PCDH15: variants seen among roughly 807,000 people sequenced by gnomAD.
The protein encoded by PCDH15 is protocadherin related 15, also known as protocadherin-15.
Under a neutral mutation model 178.5 loss-of-function variants are expected in PCDH15, and 129 were observed. The ratio of observed to expected loss-of-function variants is 0.72; its 90% CI spans 0.63 to 0.84. The LOEUF is 0.84. Among genes scored for constraint, PCDH15 ranks in the 40% least tolerant of loss-of-function variants. PCDH15 has a pLI of 0.00. For missense variants in PCDH15, 2,230 were observed against 2,099.9 expected (o/e 1.06, Z -1.21); for synonymous variants, 800 against 732.0 (o/e 1.09, Z -1.50).
intron 9 of PCDH15, among the ~76,000 whole-genome samples, chr10:54,219,867 C>T (rs2052591751): frequency 2.0e-5 from 3 of 151,402 alleles, no homozygotes; most frequent in Admixed American, 1.3e-4. Flanking sequence ...AGCATAAATT[C>T]AAATATTTGT....
intron 2 of PCDH15, among the ~76,000 whole-genome samples, chr10:54,577,175 T>C (rs2090562404): frequency 6.6e-6 from 1 of 151,712 alleles, no homozygotes; most frequent in Non-Finnish European, 1.5e-5. Flanking sequence ...CTCTGCCTAC[T>C]GGGTTCAAGT....
intron 2 of PCDH15, among the ~76,000 whole-genome samples, chr10:54,583,019 T>C (rs560794859): frequency 1.1e-3 from 114 of 107,824 alleles, no homozygotes; most frequent in South Asian, 1.1e-3. Flanking sequence ...ATCTTGCATA[T>C]ATACAATCTG....
At chr10:54,326,883 A>G (rs1211196733) in intron 7 of PCDH15, among the ~76,000 whole-genome samples, 2 of 152,160 alleles carry the variant, frequency 1.3e-5, no homozygotes, top group Admixed American at 1.3e-4. Flanking sequence ...AACTTTCTAT[A>G]TTTAACATTT....
chr10:54,370,899 T>C (rs560874963), intron 4 of PCDH15, among the ~76,000 whole-genome samples: 14 of 151,998 alleles, frequency 9.2e-5, no homozygotes, highest in Admixed American at 1.3e-4. Context: ...TTGACTTGAA[T>C]TTGTAGCTGT....
intron 2 of PCDH15, among the ~76,000 whole-genome samples, chr10:55,561,785 A>G (rs780501860): frequency 5.9e-5 from 9 of 151,858 alleles, no homozygotes; most frequent in Admixed American, 3.9e-4. Flanking sequence ...TTGAATTTGG[A>G]TTCATTTTGG....
intron 5 of PCDH15, among the ~76,000 whole-genome samples, chr10:54,350,865 A>C (rs1588973497): frequency 6.6e-6 from 1 of 152,228 alleles, no homozygotes; most frequent in East Asian, 1.9e-4. Context: ...ACAATTTGGG[A>C]GGCTGAACTA....
At chr10:54,763,107 G>T (rs1479228516) in intron 1 of PCDH15, among the ~76,000 whole-genome samples, 2 of 152,118 alleles carry the variant, frequency 1.3e-5, no homozygotes, top group Non-Finnish European at 2.9e-5. Context: ...GGGTAATAGG[G>T]AGGCTCATTT....
At chr10:54,202,057 C>A (rs4420174) in intron 10 of PCDH15, among the ~76,000 whole-genome samples, 137,745 of 152,184 alleles carry the variant, frequency 0.91, 62,542 homozygotes, top group East Asian at 0.98. Context: ...TATTTATATG[C>A]ATTTTTGAAT....
At chr10:55,554,381 A>C (rs1038423116) in intron 2 of PCDH15, among the ~76,000 whole-genome samples, 17 of 152,080 alleles carry the variant, frequency 1.1e-4, no homozygotes, top group African/African-American at 4.1e-4. Context: ...TTTACAGACA[A>C]CTTGAGCATA....
At chr10:54,016,435 G>C (rs1458324594) in intron 20 of PCDH15, among the ~76,000 whole-genome samples, 1 of 152,060 alleles carries the variant, frequency 6.6e-6, no homozygotes, top group East Asian at 1.9e-4. Context: ...TGTATCATTA[G>C]TATCATGCTA....
chr10:53,827,328 A>G (rs2076745363), intron 32 of PCDH15, 65 bp downstream of exon 32: 1 of 1,518,816 alleles, frequency 6.6e-7, no homozygotes. Context: ...TTGAAATTAA[A>G]TACTCACCAC....
At chr10:54,855,875 C>G (rs1290722854) in intron 3 of PCDH15, among the ~76,000 whole-genome samples, 2 of 151,992 alleles carry the variant, frequency 1.3e-5, no homozygotes, top group African/African-American at 4.8e-5. Flanking sequence ...CTCCTGAAAG[C>G]AAGAATGTAT....
At chr10:54,422,786 C>T (rs540403738) in intron 3 of PCDH15, among the ~76,000 whole-genome samples, 1 of 152,248 alleles carries the variant, frequency 6.6e-6, no homozygotes, top group East Asian at 1.9e-4. Flanking sequence ...AGTTTCTACA[C>T]TTGATTTTGT....
In PCDH15 at chr10:55,177,619, G is replaced by A. The variant is rs550561006; in HGVS notation, c.-155-10968C>T. 2.4e-4 allele frequency among the ~76,000 whole-genome samples: 37 copies of A among 152,274 alleles called. No individual in the cohort carries two copies. The East Asian group carries it at 2.5e-3, about 10-fold the overall frequency. ...GTTTATACCCTACATAATGTGGCAG[G>A]ACTGCTGTCTTCCATGAGGAGTCTC... is the stretch of plus-strand genomic sequence containing the variant. On this transcript the variant is annotated intron_variant, in intron 1 of 5. Coordinates refer to the PCDH15 transcript ENST00000458638.
intron 2 of PCDH15, among the ~76,000 whole-genome samples, chr10:55,494,371 G>A (rs1840486965): frequency 6.6e-6 from 1 of 151,554 alleles, no homozygotes. Context: ...TCTAGAATGT[G>A]TCCCCTGTAA....
intron 2 of PCDH15, among the ~76,000 whole-genome samples, chr10:55,547,022 TC>T (rs1841898697): frequency 6.6e-6 from 1 of 151,926 alleles, no homozygotes; most frequent in Non-Finnish European, 1.5e-5. Flanking sequence ...AAAAAAAATC[TC>T]AGAAAGTCTG....
At chr10:53,908,941 G>A (rs2082870372) in intron 25 of PCDH15, among the ~76,000 whole-genome samples, 1 of 152,110 alleles carries the variant, frequency 6.6e-6, no homozygotes, top group African/African-American at 2.4e-5. Context: ...TTTTTATGCT[G>A]TTTTTCTTTT....
intron 5 of PCDH15, among the ~76,000 whole-genome samples, chr10:54,367,496 C>T (rs1235840081): frequency 6.6e-6 from 1 of 151,806 alleles, no homozygotes; most frequent in Non-Finnish European, 1.5e-5. Flanking sequence ...AAGAGGGATC[C>T]AGGGGCAGTT....
chr10:54,042,439 G>A (rs776397534), intron 18 of PCDH15, among the ~76,000 whole-genome samples: 8 of 152,118 alleles, frequency 5.3e-5, no homozygotes, highest in African/African-American at 7.2e-5. Flanking sequence ...GGAGGACAGG[G>A]AGAGTGCTAT....
Sources: gnomAD v4.1 joint callset for allele counts (sites outside exome capture counted in the v4.1 genomes callset) on GRCh38, gnomAD v4.1.1 for gene constraint, MANE v1.5 for transcripts, NCBI Gene and HGNC (gene_info 2026-07-23, HGNC 2026-07-21) for gene names.